CSGALNACT1: variants seen among roughly 807,000 people sequenced by gnomAD.
CSGALNACT1 encodes beta4GalNAcT-1.
Under a neutral mutation model 51.0 loss-of-function variants are expected in CSGALNACT1, and 52 were observed. The observed-to-expected ratio is 1.02, with a 90% CI of 0.82 to 1.29. The LOEUF is 1.29. CSGALNACT1 is among the 50% of genes most tolerant of loss of function. CSGALNACT1 has a pLI of 0.00. For missense variants in CSGALNACT1, 935 were observed against 679.2 expected, an observed-to-expected ratio of 1.38 and a Z score of -4.19; for synonymous variants, 341 against 254.4, an observed-to-expected ratio of 1.34 and a Z score of -3.24.
chr8:19,553,109 A>C (rs185682626), intron 3 of CSGALNACT1, among the ~76,000 whole-genome samples: 1 of 152,186 alleles, frequency 6.6e-6, no homozygotes, highest in Non-Finnish European at 1.5e-5. Flanking sequence ...CTGGCCTCAC[A>C]CAAGAATCAA....
intron 1 of CSGALNACT1, among the ~76,000 whole-genome samples, chr8:19,715,827 T>G (rs1216097358): frequency 1.3e-5 from 2 of 152,184 alleles, no homozygotes; most frequent in East Asian, 1.9e-4. Context: ...GTGGTTACTC[T>G]CAGTGACCTG....
At chr8:19,631,948 T>G (rs1014904588) in intron 1 of CSGALNACT1, among the ~76,000 whole-genome samples, 4 of 152,206 alleles carry the variant, frequency 2.6e-5, no homozygotes, top group African/African-American at 9.6e-5. Flanking sequence ...TTATGCAATC[T>G]GGGACAAGAG....
rs540864502 is a variant in CSGALNACT1 at position 19,544,828 on chromosome 8, C to T, written c.-296-38698G>A. Among the ~76,000 whole-genome samples the T allele has an allele frequency of 1.1e-4, 17 of 152,268 alleles. No homozygotes were observed. The East Asian group carries it at 3.1e-3, about 28-fold the overall frequency. ...CTGGAAAAATACAGACATCATCATTCTCCAAGTAAAAGCTGTGTATCTGAG... is the reference window on the plus strand; with the variant it reads ...CTGGAAAAATACAGACATCATCATTTTCCAAGTAAAAGCTGTGTATCTGAG... On this transcript the variant is annotated intron_variant, in intron 3 of 9. Transcript: ENST00000454498.
chr8:19,422,035 G>T lies in CSGALNACT1; in HGVS notation c.954-1517C>A, dbSNP rs551740026. ...TCTAAACCTAGCTGTGCCTCTGATG[G>T]ATTTGAGGCAAGTCACTCTACCCCT... On this transcript the variant is annotated intron_variant, in intron 6 of 9. Coordinates refer to ENST00000454498, the Ensembl canonical transcript of CSGALNACT1. Among the ~76,000 whole-genome samples the T allele has an allele frequency of 3.3e-5, 5 of 152,252 alleles. No individual in the cohort carries two copies. In the East Asian group the frequency reaches 5.8e-4, roughly 18 times the overall value.
At chr8:19,583,456 G>C (rs560605607) in intron 3 of CSGALNACT1, among the ~76,000 whole-genome samples, 1 of 152,220 alleles carries the variant, frequency 6.6e-6, no homozygotes. Flanking sequence ...AAGCTGCATT[G>C]GATCTGATGC....
intron 5 of CSGALNACT1, among the ~76,000 whole-genome samples, chr8:19,457,001 G>A (rs1395445465): frequency 6.6e-6 from 1 of 152,160 alleles, no homozygotes; most frequent in Non-Finnish European, 1.5e-5. Context: ...GCCGACTTCA[G>A]GCATAAACAA....
At chr8:19,519,312 A>G (rs1251768575) in intron 3 of CSGALNACT1, among the ~76,000 whole-genome samples, 3 of 152,182 alleles carry the variant, frequency 2.0e-5, no homozygotes, top group Non-Finnish European at 4.4e-5. Flanking sequence ...CTAGATTAGG[A>G]AACCAGGATT....
intron 4 of CSGALNACT1, among the ~76,000 whole-genome samples, chr8:19,477,855 C>G (rs1391605910): frequency 6.6e-6 from 1 of 152,234 alleles, no homozygotes; most frequent in African/African-American, 2.4e-5. Flanking sequence ...AGCTAGAATA[C>G]TATTTGGGAG....
intron 1 of CSGALNACT1, among the ~76,000 whole-genome samples, chr8:19,615,988 T>C (rs2154155772): frequency 6.6e-6 from 1 of 152,298 alleles, no homozygotes; most frequent in Non-Finnish European, 1.5e-5. Flanking sequence ...CATATCCATA[T>C]CATCAACTCT....
chr8:19,603,047 TACACACACACACACACACAC>T (rs5889877), upstream of CSGALNACT1, among the ~76,000 whole-genome samples: 5 of 123,120 alleles, frequency 4.1e-5, no homozygotes, highest in South Asian at 2.9e-4. Flanking sequence ...ACTGTGTGTA[TACACACACACACACACACAC>T]ACACACACAC....
intron 1 of CSGALNACT1, among the ~76,000 whole-genome samples, chr8:19,710,180 G>C (rs1225167027): frequency 6.6e-6 from 1 of 152,104 alleles, no homozygotes; most frequent in South Asian, 2.1e-4. Flanking sequence ...AACCCAAAAA[G>C]CCATAAATTA....
intron 1 of CSGALNACT1, among the ~76,000 whole-genome samples, chr8:19,745,641 G>T (rs1021390962): frequency 1.1e-4 from 16 of 152,150 alleles, no homozygotes; most frequent in Admixed American, 5.9e-4. Context: ...TTCTGATGTT[G>T]TAAAATAAAC....
chr8:19,570,314 G>A (rs922053817), intron 3 of CSGALNACT1, among the ~76,000 whole-genome samples: 7 of 152,014 alleles, frequency 4.6e-5, no homozygotes, highest in Admixed American at 3.3e-4. Context: ...TTTTCTTTAA[G>A]CATATTTTTG....
chr8:19,505,391 G>A (rs537689859), exon 4 of CSGALNACT1: 20 of 1,614,192 alleles, frequency 1.2e-5, no homozygotes, highest in African/African-American at 8.0e-5. Flanking sequence ...TAAAGCTATC[G>A]AAAGGCACTG....
chr8:19,459,160 C>T (rs2064799712), intron 4 of CSGALNACT1, among the ~76,000 whole-genome samples: 1 of 151,958 alleles, frequency 6.6e-6, no homozygotes, highest in Non-Finnish European at 1.5e-5. Flanking sequence ...CTGAGGTGGG[C>T]ATATCACCTG....
At chr8:19,572,019 T>C (rs542535206) in intron 3 of CSGALNACT1, among the ~76,000 whole-genome samples, 27 of 152,332 alleles carry the variant, frequency 1.8e-4, no homozygotes, top group Middle Eastern at 3.4e-3. Context: ...TTGCCAATCA[T>C]TTCCTATTTT....
chr8:19,656,858 G>C (rs540431581), intron 1 of CSGALNACT1, among the ~76,000 whole-genome samples: 14 of 152,072 alleles, frequency 9.2e-5, no homozygotes, highest in Admixed American at 7.9e-4. Context: ...ACAAGGTCAG[G>C]AGTTCCAGAC....
chr8:19,405,476 C>G (rs767259757), exon 10 of CSGALNACT1: 3 of 547,408 alleles, frequency 5.5e-6, no homozygotes, highest in Non-Finnish European at 1.0e-5. Flanking sequence ...GCACACAAAA[C>G]AACAGGTCTC....
At chr8:19,662,861 G>A (rs1383253950) in intron 1 of CSGALNACT1, among the ~76,000 whole-genome samples, 1 of 152,126 alleles carries the variant, frequency 6.6e-6, no homozygotes, top group Admixed American at 6.5e-5. Flanking sequence ...CCATTCAGGA[G>A]GTCATGCCAC....
Sources: gnomAD v4.1 joint callset for allele counts (sites outside exome capture counted in the v4.1 genomes callset) on GRCh38, gnomAD v4.1.1 for gene constraint, MANE v1.5 for transcripts, NCBI Gene and HGNC (gene_info 2026-07-23, HGNC 2026-07-21) for gene names.